Variants in PTN observed in about 807,000 individuals in gnomAD.
PTN encodes the protein heparin affin regulatory protein.
In PTN, 18 loss-of-function variants were observed where a neutral mutation model predicts 24.1. The ratio of observed to expected loss-of-function variants is 0.75; its 90% CI spans 0.52 to 1.11. PTN has a LOEUF of 1.11. Among genes scored for constraint, PTN ranks in the 50% least tolerant of loss-of-function variants. PTN has a pLI of 0.00. For missense variants in PTN, 163 were observed against 198.8 expected, an observed-to-expected ratio of 0.82 and a Z score of 1.08; for synonymous variants, 78 against 68.6, an observed-to-expected ratio of 1.14 and a Z score of -0.67.
chr7:137,307,492 G>A (rs1382116507), intron 1 of PTN, among the ~76,000 whole-genome samples: 10 of 152,018 alleles, frequency 6.6e-5, no homozygotes, highest in Admixed American at 5.9e-4. Context: ...GCTTAGTCAC[G>A]CTGATTTCTA....
At chr7:137,296,135 C>T (rs952152052) in intron 1 of PTN, among the ~76,000 whole-genome samples, 1 of 152,048 alleles carries the variant, frequency 6.6e-6, no homozygotes, top group Admixed American at 6.6e-5. Flanking sequence ...ATCTCCATCT[C>T]TTTAAGTATA....
At chr7:137,325,669 G>C (rs896367676) in intron 1 of PTN, 1 of 152,204 alleles carries the variant, frequency 6.6e-6, no homozygotes, top group Non-Finnish European at 1.5e-5. Flanking sequence ...CCCTAGGGTT[G>C]AGTTTCATGA....
intron 1 of PTN, among the ~76,000 whole-genome samples, chr7:137,337,428 C>T (rs576255656): frequency 6.6e-6 from 1 of 152,008 alleles, no homozygotes; most frequent in East Asian, 1.9e-4. Flanking sequence ...TTTAAAAATC[C>T]CACTCAATCT....
intron 4 of PTN, among the ~76,000 whole-genome samples, chr7:137,233,068 T>A (rs1585003000): frequency 6.6e-6 from 1 of 151,962 alleles, no homozygotes. Context: ...GTGAGAAGAA[T>A]GAGTAGAAAT....
Position 137,247,130 on chromosome 7 carries a change from C to A in PTN, c.451+4100G>T, listed in dbSNP as rs181157606. Among the ~76,000 whole-genome samples the A allele has an allele frequency of 4.2e-3, 633 of 152,226 alleles. 3 individuals are homozygous for A. The highest frequency in any genetic ancestry group is 6.7e-3 in the Non-Finnish European group (458 of 68,018). On this transcript the variant is annotated intron_variant, in intron 4 of 4. Transcript: ENST00000348225. ...GGAAGAAAATAATTTATAAATGCAT[C>A]ATTTTGAGAAAAGTTTAGTTAAATG...
At chr7:137,293,773 T>C (rs1035681761) in intron 1 of PTN, among the ~76,000 whole-genome samples, 1 of 152,044 alleles carries the variant, frequency 6.6e-6, no homozygotes, top group African/African-American at 2.4e-5. Flanking sequence ...TAATGAACTT[T>C]CGTTGACATG....
intron 4 of PTN, among the ~76,000 whole-genome samples, chr7:137,248,925 T>C (rs1808773471): frequency 6.6e-6 from 1 of 152,180 alleles, no homozygotes; most frequent in Non-Finnish European, 1.5e-5. Context: ...TTTATTTACG[T>C]ATGAATATTA....
chr7:137,231,283 G>T (rs796650509), intron 4 of PTN, among the ~76,000 whole-genome samples: 4 of 151,912 alleles, frequency 2.6e-5, no homozygotes, highest in African/African-American at 9.6e-5. Flanking sequence ...ACGGTTCTTT[G>T]ACTTTTCTTT....
At chr7:137,243,907 G>A (rs1808676690) in intron 4 of PTN, among the ~76,000 whole-genome samples, 1 of 152,130 alleles carries the variant, frequency 6.6e-6, no homozygotes, top group African/African-American at 2.4e-5. Context: ...CGGATCTGTT[G>A]ACTTTGGCTG....
chr7:137,250,408 A>G (rs1408872598), intron 4 of PTN, among the ~76,000 whole-genome samples: 1 of 152,096 alleles, frequency 6.6e-6, no homozygotes, highest in African/African-American at 2.4e-5. Context: ...CCCTTCTTAT[A>G]AACACACCAG....
intron 1 of PTN, among the ~76,000 whole-genome samples, chr7:137,295,953 T>G (rs2128877849): frequency 6.6e-6 from 1 of 152,122 alleles, no homozygotes; most frequent in Middle Eastern, 3.4e-3. Context: ...GAAGGGTCAC[T>G]TGAAGGGTCA....
At chr7:137,302,741 G>C (rs1809826215) in intron 1 of PTN, among the ~76,000 whole-genome samples, 1 of 151,880 alleles carries the variant, frequency 6.6e-6, no homozygotes, top group South Asian at 2.1e-4. Flanking sequence ...TAATTTTAAG[G>C]CATTTACATT....
chr7:137,253,821 G>T (rs1056703918), intron 2 of PTN, among the ~76,000 whole-genome samples, 184 bp from the exon 3 acceptor site: 2 of 152,146 alleles, frequency 1.3e-5, no homozygotes, highest in African/African-American at 4.8e-5. Flanking sequence ...GAATGATCAA[G>T]AGAAGAGAGA....
intron 1 of PTN, among the ~76,000 whole-genome samples, chr7:137,338,679 C>A (rs930590451): frequency 1.3e-5 from 2 of 152,038 alleles, no homozygotes; most frequent in Non-Finnish European, 2.9e-5. Flanking sequence ...ATTTATTTGT[C>A]CTGTTTCCCT....
At chr7:137,228,156 A>G (rs11505752) in intron 4 of PTN, 81 bp from the exon 5 acceptor site, 187,346 of 857,090 alleles carry the variant, frequency 0.22, 24,972 homozygotes, top group East Asian at 0.58. Context: ...AAATAGCCAC[A>G]TTTCTTATAA....
chr7:137,244,374 ATTTTTTTT>A (rs1242182641), intron 4 of PTN, among the ~76,000 whole-genome samples: 1 of 131,166 alleles, frequency 7.6e-6, no homozygotes, highest in Non-Finnish European at 1.6e-5. Flanking sequence ...TCTCCTCAGA[ATTTTTTTT>A]TTTTTTTTTT....
chr7:137,254,295 CAA>C lies in PTN; in HGVS notation c.115+562_115+563del, dbSNP rs202195331. Among the ~76,000 whole-genome samples the C allele has an allele frequency of 9.1e-4, 90 of 98,686 alleles. 1 individual carries two copies. Among genetic ancestry groups the C allele is most frequent in the Admixed American group, 2.2e-3 (21 of 9,738 alleles). The allele number at this position is 98,686 out of a possible 152,430, so 64.7% of individuals were successfully genotyped here. On this transcript the variant is annotated intron_variant, in intron 2 of 4. Transcript: ENST00000348225. ...CTGGTGACAGAGCGAGACTCCAACT[CAA>C]AAAAAAAAAAAAAGAAATAACAGTT...
At chr7:137,311,651 C>A (rs1354222791) in intron 1 of PTN, among the ~76,000 whole-genome samples, 2 of 152,230 alleles carry the variant, frequency 1.3e-5, no homozygotes, top group Middle Eastern at 3.4e-3. Flanking sequence ...AATAAGGAGG[C>A]TCAATAAGAG....
At chr7:137,233,518 C>T (rs1808465675) in intron 4 of PTN, among the ~76,000 whole-genome samples, 1 of 152,014 alleles carries the variant, frequency 6.6e-6, no homozygotes, top group Non-Finnish European at 1.5e-5. Flanking sequence ...CAAGACAAAA[C>T]TCTGCCTTCA....
Sources: gnomAD v4.1 joint callset for allele counts (sites outside exome capture counted in the v4.1 genomes callset) on GRCh38, gnomAD v4.1.1 for gene constraint, MANE v1.5 for transcripts, NCBI Gene and HGNC (gene_info 2026-07-23, HGNC 2026-07-21) for gene names.